The following KIF3C variants were observed in gnomAD, a reference collection of about 807,000 sequenced individuals.
The protein encoded by KIF3C is kinesin family member 3C, also known as kinesin-like protein KIF3C.
Under a neutral mutation model 67.7 loss-of-function variants are expected in KIF3C, and 12 were observed. The observed-to-expected ratio is 0.18, with a 90% confidence interval of 0.11 to 0.29. KIF3C has a LOEUF of 0.29. Among genes scored for constraint, KIF3C ranks in the 10% least tolerant of loss-of-function variants. The pLI, the probability that KIF3C is intolerant of heterozygous loss-of-function variation, is 1.00. For missense variants in KIF3C, 789 were observed against 1,059.6 expected (o/e 0.74, Z 3.55); for synonymous variants, 393 against 426.2 (o/e 0.92, Z 0.96).
chr2:25,951,545 C>T (rs762416501), intron 5 of KIF3C: 5 of 447,222 alleles, frequency 1.1e-5, no homozygotes, highest in Middle Eastern at 6.4e-4. Flanking sequence ...TCCCGAGATC[C>T]CTCACAAGGT....
chr2:25,954,792 C>G (rs1213270280), intron 3 of KIF3C, among the ~76,000 whole-genome samples: 2 of 152,230 alleles, frequency 1.3e-5, no homozygotes, highest in African/African-American at 2.4e-5. Context: ...AGACCCAGCT[C>G]AGGAAGCAGG....
Position 25,982,192 on chromosome 2 carries a change from G to T in KIF3C, c.-275C>A. On this transcript the variant is annotated 5_prime_UTR_variant, in exon 1 of 8. Coordinates refer to ENST00000264712, the MANE Select transcript of KIF3C (RefSeq NM_002254.8). ...GGAGCAGCGCCTGCCGAGCAGCCGT[G>T]CCCGGAGCCCGCCCCATGCAGGAGC... 2.3e-6 allele frequency: 1 copy of T among 443,500 alleles called. No homozygotes were observed. Among genetic ancestry groups the T allele is most frequent in the East Asian group, 3.4e-5 (1 of 29,728 alleles). 27.5% of individuals were successfully genotyped at this position (443,500 alleles called of 1,614,324 possible).
At chr2:25,929,803 A>C (rs1384691504) in intron 6 of KIF3C, 152 bp downstream of exon 6, 17 of 613,490 alleles carry the variant, frequency 2.8e-5, no homozygotes, top group Non-Finnish European at 4.6e-5. Flanking sequence ...TTTAGTAGAG[A>C]CAGGGGTTCA....
intron 1 of KIF3C, among the ~76,000 whole-genome samples, chr2:25,966,182 T>A (rs1299804539): frequency 6.6e-6 from 1 of 151,998 alleles, no homozygotes; most frequent in Non-Finnish European, 1.5e-5. Context: ...CTCGGCTCAC[T>A]GCAACCTCTG....
intron 5 of KIF3C, among the ~76,000 whole-genome samples, chr2:25,932,421 G>C (rs1480622209): frequency 6.6e-6 from 1 of 151,494 alleles, no homozygotes; most frequent in African/African-American, 2.4e-5. Flanking sequence ...TTATAGGCAT[G>C]AGCCACTCCA....
chr2:25,930,776 T>A (rs2090452659), intron 5 of KIF3C, among the ~76,000 whole-genome samples: 1 of 152,106 alleles, frequency 6.6e-6, no homozygotes, highest in African/African-American at 2.4e-5. Flanking sequence ...CGACCTCAGG[T>A]GATCCACCCA....
intron 5 of KIF3C, among the ~76,000 whole-genome samples, chr2:25,937,718 G>A (rs1010567461): frequency 1.3e-5 from 2 of 152,142 alleles, no homozygotes; most frequent in African/African-American, 4.8e-5. Flanking sequence ...TGCAATTAGG[G>A]AGAGACTAGG....
chr2:25,981,073 G>GCACCACCACCACTGCCTC lies in KIF3C; in HGVS notation c.827_844dup (p.Gly276_Gly281dup), dbSNP rs1559560270. The GCACCACCACCACTGCCTC allele has an allele frequency of 1.2e-6, 2 of 1,614,134 alleles. No individual in the cohort carries two copies. The highest frequency in any genetic ancestry group is 1.7e-5 in the Admixed American group (1 of 60,022). ...GGCTTCCTTAGGCCTCTCTCCACCA[G>GCACCACCACCACTGCCTC]CACCACCACCACTGCCTCCACCGCC... On this transcript the variant is annotated inframe_insertion, in exon 1 of 8. Transcript: ENST00000264712. This position sits in a 1 kb window ranked among gnomAD's most constrained non-coding sequence, Gnocchi z 8.2.
chr2:25,951,796 C>G lies in KIF3C; in HGVS notation c.1999G>C (p.Ala667Pro). 6.2e-7 allele frequency: 1 copy of G among 1,612,022 alleles called. No homozygotes were observed. The highest frequency in any genetic ancestry group is 8.5e-7 in the Non-Finnish European group (1 of 1,178,424). The part of the protein sequence containing the change: ...EQWKFQPLVP[A>P]GVSSSQMKKR... ...GCTGGGTTAGAGACTCACACGCCGG[C>G]TGGCACCAGTGGCTGGAACTTCCAC... Residue 667 changes from alanine (A) to proline (P), a missense_variant, in exon 5 of 8, where the codon GCC becomes CCC. By Grantham distance (27) the Ala-to-Pro change is conservative (BLOSUM62 -1). Around this residue, in one of 2 missense-constraint regions of KIF3C, gnomAD observed 648 missense variants for 807.8 expected, o/e 0.80. Coordinates refer to ENST00000264712, the MANE Select transcript of KIF3C (RefSeq NM_002254.8).
At chr2:25,962,050 A>G (rs1426824369) in intron 1 of KIF3C, among the ~76,000 whole-genome samples, 1 of 152,244 alleles carries the variant, frequency 6.6e-6, no homozygotes, top group Non-Finnish European at 1.5e-5. Flanking sequence ...GGAAAGATCC[A>G]GGCTTTTCCA....
In KIF3C at chr2:25,947,578, C is replaced by CA. The variant is rs910674037; in HGVS notation, c.2006+4210dup. The stretch of plus-strand genomic sequence containing the variant: ...CCTGGGTGACAGAGCGAGACTGCCT[C>CA]AAAAAAAAAAAAAGTTATTATAGGT... On this transcript the variant is annotated intron_variant, in intron 5 of 7. Coordinates refer to ENST00000264712, the MANE Select transcript of KIF3C (RefSeq NM_002254.8). Among the ~76,000 whole-genome samples, 983 of 119,162 alleles carry CA rather than the reference C, an allele frequency of 8.2e-3. 5 individuals are homozygous for CA. The highest frequency in any genetic ancestry group is 0.018 in the African/African-American group (591 of 32,234). 78.2% of individuals were successfully genotyped at this position (119,162 alleles called of 152,430 possible). A position where few individuals can be genotyped will look rare whatever the true frequency, so the allele number is the denominator to read the frequency against.
At position 25,982,005 on chromosome 2, in the gene KIF3C, C is replaced by A. The variant is rs1664610124; in HGVS notation, c.-88G>T. On this transcript the variant is annotated 5_prime_UTR_variant, in exon 1 of 8. Transcript: ENST00000264712. The stretch of plus-strand genomic sequence containing the variant: ...CTCGCTAGGTCGGGATCAGCGGGGC[C>A]GGCCCAGCCCCCAGGCGCAGCTCTT... The A allele has an allele frequency of 9.1e-7, 1 of 1,099,560 alleles. No individual in the cohort carries two copies. Among genetic ancestry groups the A allele is most frequent in the African/African-American group, 1.6e-5 (1 of 63,574 alleles). The allele number at this position is 1,099,560 out of a possible 1,614,324, so 68.1% of individuals were successfully genotyped here.
intron 5 of KIF3C, among the ~76,000 whole-genome samples, chr2:25,948,658 GAA>G (rs900500403): frequency 2.2e-4 from 30 of 138,106 alleles, no homozygotes; most frequent in African/African-American, 8.0e-4. Flanking sequence ...GAGAGAAAGA[GAA>G]AGAGAGAAAG....
At chr2:25,951,403 G>T in intron 5 of KIF3C, 1 of 208,118 alleles carries the variant, frequency 4.8e-6, no homozygotes, top group Non-Finnish European at 9.8e-6. Context: ...CACAGCATCC[G>T]GCACACAGTA....
rs756705776 is a variant in KIF3C, at chr2:25,951,947, G to A, written c.1890-42C>T. 50 of 1,325,504 alleles carry A rather than the reference G, an allele frequency of 3.8e-5. 1 individual carries two copies. Among genetic ancestry groups the A allele is most frequent in the Middle Eastern group, 1.8e-4 (1 of 5,500 alleles). 82.1% of individuals were successfully genotyped at this position (1,325,504 alleles called of 1,614,324 possible). On this transcript the variant is annotated intron_variant, in intron 4 of 7. Coordinates refer to ENST00000264712, the MANE Select transcript of KIF3C (RefSeq NM_002254.8). ...AGGAGTGATGGGAAAATGGGTGAGC[G>A]AGAGACCACGTGGTGCATGTGAGGG...
rs1393427876 is a variant in KIF3C, at chr2:25,956,369, G to T, written c.1621C>A (p.Leu541Met). 5.0e-6 allele frequency: 8 copies of T among 1,614,030 alleles called. No homozygotes were observed. Among genetic ancestry groups the T allele is most frequent in the Non-Finnish European group, 6.8e-6 (8 of 1,180,014 alleles). ...TGCTCGGCAATCTCCTGCCTCTTCAGTTCCAACATCTTCTGCTGTTCGTTG... is the reference window on the plus strand; with the variant it reads ...TGCTCGGCAATCTCCTGCCTCTTCATTTCCAACATCTTCTGCTGTTCGTTG... ...HTNEQQKMLE[L>M]KRQEIAEQKR... Residue 541 changes from leucine (L) to methionine (M), a missense_variant, in exon 2 of 8, where the codon CTG (leucine) becomes ATG (methionine). This residue lies in a region of KIF3C where 648 missense variants were observed against 807.8 expected (regional missense o/e 0.80). Transcript: ENST00000264712.
At chr2:25,970,486 G>T (rs985312579) in intron 1 of KIF3C, among the ~76,000 whole-genome samples, 2 of 151,618 alleles carry the variant, frequency 1.3e-5, no homozygotes, top group African/African-American at 4.8e-5. Flanking sequence ...TGGTCAACGT[G>T]GCAAAACCCT....
intron 5 of KIF3C, among the ~76,000 whole-genome samples, chr2:25,939,437 A>C (rs1275463008): frequency 6.6e-6 from 1 of 152,058 alleles, no homozygotes; most frequent in Non-Finnish European, 1.5e-5. Context: ...CTGAACTCTC[A>C]GCCTTCCCAT....
intron 1 of KIF3C, among the ~76,000 whole-genome samples, chr2:25,979,201 TG>T (rs1278193843): frequency 6.6e-6 from 1 of 152,144 alleles, no homozygotes; most frequent in Admixed American, 6.5e-5. Context: ...TGGAAATGCC[TG>T]GAACATTGAG....
Sources: allele counts gnomAD v4.1 joint callset (sites outside exome capture counted in the v4.1 genomes callset), GRCh38; gene constraint gnomAD v4.1.1; regional missense constraint gnomAD v4.1.1; non-coding constraint Gnocchi (gnomAD v3.1); transcripts MANE v1.5; gene names NCBI Gene and HGNC (gene_info 2026-07-23, HGNC 2026-07-21).